Variants in TNFRSF18 observed in about 807,000 individuals in gnomAD.
TNFRSF18 encodes the protein TNF receptor superfamily member 18.
A neutral mutation model predicts 30.2 loss-of-function variants in TNFRSF18; 36 were observed. That is an observed-to-expected ratio of 1.19 (90% CI 0.91 to 1.58). The LOEUF (loss-of-function observed/expected upper bound fraction) is 1.58, where lower values mean the gene tolerates loss of function less well. Ranked by LOEUF, TNFRSF18 falls within the 40% of genes most tolerant of loss-of-function variation. The pLI is 0.00. For synonymous variants in TNFRSF18, 173 were observed against 158.3 expected (o/e 1.09, Z -0.70); for missense variants, 369 against 345.4 (o/e 1.07, Z -0.54).
intron 2 of TNFRSF18, 82 bp downstream of exon 2, chr1:1,205,288 C>T (rs1648759250): frequency 6.5e-7 from 1 of 1,550,144 alleles, no homozygotes; most frequent in Non-Finnish European, 8.7e-7. Flanking sequence ...CCTCGCCGGA[C>T]ACCTGTGCCC....
At chr1:1,205,696 C>T in intron 1 of TNFRSF18, 1 of 591,530 alleles carries the variant, frequency 1.7e-6, no homozygotes, top group African/African-American at 1.9e-5. Context: ...CTGGCTACTC[C>T]CCCTTTGCGC....
At chr1:1,205,330 C>T in intron 2 of TNFRSF18, 40 bp downstream of exon 2, 1 of 1,596,522 alleles carries the variant, frequency 6.3e-7, no homozygotes, top group Non-Finnish European at 8.5e-7. Context: ...AGTGGAACCC[C>T]TGGCCTGTGT....
At chr1:1,205,583 T>C (rs1342857762) in intron 1 of TNFRSF18, 91 bp from the exon 2 acceptor site, 2 of 1,418,998 alleles carry the variant, frequency 1.4e-6, no homozygotes, top group Non-Finnish European at 1.9e-6. Flanking sequence ...AGTGAGGTTG[T>C]CCGTTCTCCA....
intron 1 of TNFRSF18, 108 bp downstream of exon 1, chr1:1,206,277 T>C (rs1015868782): frequency 7.5e-7 from 1 of 1,338,038 alleles, no homozygotes; most frequent in Non-Finnish European, 1.0e-6. Context: ...CCCACCCTCC[T>C]TAGACCTCAG....
At chr1:1,204,308 C>T (rs973212111) in intron 3 of TNFRSF18, 72 bp from the exon 4 acceptor site, 3 of 1,591,438 alleles carry the variant, frequency 1.9e-6, no homozygotes, top group Non-Finnish European at 1.7e-6. Flanking sequence ...CTGCTGCCCT[C>T]CGTGCTGTCT....
At position 1,203,546 on chromosome 1, in the gene TNFRSF18, G is replaced by T; in HGVS notation, c.*298C>A. ...GTTTATTGAAGGTCCCCTGCAGCCG[G>T]GTCCCGTGCTGGGCACTGCACACCC... On this transcript the variant is annotated 3_prime_UTR_variant, in exon 5 of 5. Transcript: ENST00000379268. 6.9e-7 allele frequency: 1 copy of T among 1,454,220 alleles called. No individual in the cohort carries two copies. Among genetic ancestry groups the T allele is most frequent in the African/African-American group, 1.4e-5 (1 of 69,752 alleles). The allele number at this position is 1,454,220 out of a possible 1,614,324, so 90.1% of individuals were successfully genotyped here.
At position 1,206,408 on chromosome 1, in the gene TNFRSF18, G is replaced by C; in HGVS notation, c.164C>G (p.Thr55Arg). The stretch of plus-strand genomic sequence containing the variant: ...ACCCGGGTAATCGCGGCAGCAGCGC[G>C]TCGTGTGAACCCGGCAGCAGCGCGC... ...TDARCCRVHT[T>R]RCCRDYPGEE... Residue 55 changes from threonine to arginine, a missense_variant, in exon 1 of 5, where the codon ACG becomes AGG. Transcript: ENST00000379268. The C allele has an allele frequency of 6.5e-7, 1 of 1,547,384 alleles. No individual in the cohort carries two copies. The highest frequency in any genetic ancestry group is 8.7e-7 in the Non-Finnish European group (1 of 1,146,266).
chr1:1,204,131 G>C lies in TNFRSF18; in HGVS notation c.504C>G (p.Val168=). 5.0e-6 allele frequency: 8 copies of C among 1,611,756 alleles called. No homozygotes were observed. Among genetic ancestry groups the C allele is most frequent in the Non-Finnish European group, 6.8e-6 (8 of 1,179,562 alleles). Residue 168 remains valine (V), a synonymous_variant, in exon 4 of 5, where the codon GTC becomes GTG. Coordinates refer to ENST00000379268, the MANE Select transcript of TNFRSF18 (RefSeq NM_004195.3). Reference sequence around the variant, plus strand: ...CGCAGGCGGCCACGGCCAGGAGGACGACGGTCAGCCACCCAAGCGGCTCTG... The same window carrying C: ...CGCAGGCGGCCACGGCCAGGAGGACCACGGTCAGCCACCCAAGCGGCTCTG... ...PPAEPLGWLT[V]VLLAVAACVL... is the part of the protein sequence containing the mutation.
Position 1,204,477 on chromosome 1 carries a change from C to T in TNFRSF18, c.320G>A (p.Ser107Asn). ...GQGVQSQGKFSFGFQCIDCAS... is the reference protein window; with the variant it reads ...GQGVQSQGKFNFGFQCIDCAS... ...ACAGTCGATACACTGGAAGCCAAAACTGAATTTCCCTGGTGTGGGGTGTGG... is the reference window on the plus strand; with the variant it reads ...ACAGTCGATACACTGGAAGCCAAAATTGAATTTCCCTGGTGTGGGGTGTGG... Residue 107 changes from serine to asparagine, a missense_variant, in exon 3 of 5, where the codon AGT becomes AAT. Physicochemically the swap from Ser to Asn is conservative, Grantham distance 46. Coordinates refer to ENST00000379268, the MANE Select transcript of TNFRSF18 (RefSeq NM_004195.3). 1.5e-6 allele frequency: 2 copies of T among 1,378,668 alleles called. No homozygotes were observed. Among genetic ancestry groups the T allele is most frequent in the African/African-American group, 1.5e-5 (1 of 66,922 alleles). The allele number at this position is 1,378,668 out of a possible 1,614,324, so 85.4% of individuals were successfully genotyped here. A position where few individuals can be genotyped will look rare whatever the true frequency, so the allele number is the denominator to read the frequency against.
At chr1:1,205,242 G>A (rs373013633) in intron 2 of TNFRSF18, 128 bp downstream of exon 2, 8 of 1,413,360 alleles carry the variant, frequency 5.7e-6, no homozygotes, top group Middle Eastern at 2.5e-4. Flanking sequence ...TGGCCTGCCC[G>A]GCCTCACAGG....
chr1:1,206,437 C>T lies in TNFRSF18; in HGVS notation c.135G>A (p.Thr45=), dbSNP rs993445988. ...TGTGAACCCGGCAGCAGCGCGCGTCCGTTCCCGTCCCAAGCAGGAGGCGCC... is the reference window on the plus strand; with the variant it reads ...TGTGAACCCGGCAGCAGCGCGCGTCTGTTCCCGTCCCAAGCAGGAGGCGCC... ...GPGRLLLGTG[T]DARCCRVHTT... The change falls in exon 1 of 5, where the codon ACG becomes ACA. Residue 45 remains threonine (T), a synonymous_variant. Coordinates refer to ENST00000379268, the MANE Select transcript of TNFRSF18 (RefSeq NM_004195.3). 2.1e-5 allele frequency: 33 copies of T among 1,547,296 alleles called. No individual in the cohort carries two copies. The highest frequency in any genetic ancestry group is 2.8e-5 in the African/African-American group (2 of 72,652).
In TNFRSF18 at chr1:1,206,490, G is replaced by A. The variant is rs771727286; in HGVS notation, c.82C>T (p.Pro28Ser). 12 of 1,546,054 alleles carry A rather than the reference G, an allele frequency of 7.8e-6. No individual in the cohort carries two copies. The Admixed American group carries it at 2.2e-4, about 28-fold the overall frequency. ...LLCALSLGQR[P>S]TGGPGCGPGR... Reference sequence around the variant, plus strand: ...GGGCCGCACCCGGGACCCCCGGTGGGGCGCTGACCCAGGCTGAGCGCGCAC... The same window carrying A: ...GGGCCGCACCCGGGACCCCCGGTGGAGCGCTGACCCAGGCTGAGCGCGCAC... The change falls in exon 1 of 5, where the codon CCC becomes TCC. Residue 28 changes from proline (P) to serine (S), a missense_variant. Physicochemically the swap from Pro to Ser is moderately conservative, Grantham distance 74. Coordinates refer to ENST00000379268, the MANE Select transcript of TNFRSF18 (RefSeq NM_004195.3).
rs1648783744 is a variant in TNFRSF18 at position 1,205,570 on chromosome 1, G to C, written c.188-78C>G. Reference sequence around the variant, plus strand: ...CCCAGGCCTCCCCTCGGCCCTCCAGGGGAGTGAGGTTGTCCGTTCTCCACC... The same window carrying C: ...CCCAGGCCTCCCCTCGGCCCTCCAGCGGAGTGAGGTTGTCCGTTCTCCACC... On this transcript the variant is annotated intron_variant, in intron 1 of 4. Transcript: ENST00000379268. 4 of 1,509,568 alleles carry C rather than the reference G, an allele frequency of 2.6e-6. No individual in the cohort carries two copies. The African/African-American group carries it at 5.5e-5, about 21-fold the overall frequency. The allele number at this position is 1,509,568 out of a possible 1,614,324, so 93.5% of individuals were successfully genotyped here. A position where few individuals can be genotyped will look rare whatever the true frequency, so the allele number is the denominator to read the frequency against.
chr1:1,206,250 C>T (rs904887158), intron 1 of TNFRSF18, 135 bp downstream of exon 1: 40 of 1,035,636 alleles, frequency 3.9e-5, no homozygotes, highest in Admixed American at 5.8e-5. Context: ...AAGGCTCCCG[C>T]TGCTGGCGGC....
chr1:1,206,514 A>C lies in TNFRSF18; in HGVS notation c.58T>G (p.Cys20Gly). 2 of 1,542,076 alleles carry C rather than the reference A, an allele frequency of 1.3e-6. No individual in the cohort carries two copies. Among genetic ancestry groups the C allele is most frequent in the African/African-American group, 1.4e-5 (1 of 72,118 alleles). ...GGGCGCTGACCCAGGCTGAGCGCGC[A>C]CAGCAGCGCCAGGCCGCACAGGGCC... ...FRALCGLALL[C>G]ALSLGQRPTG... Residue 20 changes from cysteine (C) to glycine (G), a missense_variant, in exon 1 of 5, where the codon TGC becomes GGC. Cys to Gly is a radical substitution (Grantham distance 159). Transcript: ENST00000379268.
intron 2 of TNFRSF18, among the ~76,000 whole-genome samples, chr1:1,204,870 C>G (rs1648737308): frequency 1.3e-5 from 2 of 152,288 alleles, no homozygotes; most frequent in South Asian, 4.1e-4. Flanking sequence ...ACCCCAGACC[C>G]TGCCCCGTCC....
At chr1:1,204,283 C>T (rs1429420743) in intron 3 of TNFRSF18, 47 bp from the exon 4 acceptor site, 36 of 1,593,540 alleles carry the variant, frequency 2.3e-5, no homozygotes, top group Non-Finnish European at 3.1e-5. Context: ...GACACGGCCT[C>T]CGATCAGCCC....
chr1:1,204,326 G>A (rs1199984707), intron 3 of TNFRSF18, 73 bp downstream of exon 3: 2 of 1,594,526 alleles, frequency 1.3e-6, no homozygotes, highest in East Asian at 4.5e-5. Flanking sequence ...TCTGGGGCAA[G>A]GGACAGGAGA....
Position 1,206,425 on chromosome 1 carries a change from G to C in TNFRSF18, c.147C>G (p.Cys49Trp), listed in dbSNP as rs1256870729. ...LLLGTGTDAR[C>W]CRVHTTRCCR... ...AGCAGCGCGTCGTGTGAACCCGGCA[G>C]CAGCGCGCGTCCGTTCCCGTCCCAA... is the stretch of plus-strand genomic sequence containing the variant. The change falls in exon 1 of 5, where the codon TGC (cysteine) becomes TGG (tryptophan). Residue 49 changes from cysteine to tryptophan, a missense_variant. Transcript: ENST00000379268. 1.0e-5 allele frequency: 16 copies of C among 1,547,490 alleles called. No individual in the cohort carries two copies. In the East Asian group the frequency reaches 3.9e-4, roughly 38 times the overall value.
Sources: gnomAD v4.1 joint callset for allele counts (sites outside exome capture counted in the v4.1 genomes callset) on GRCh38, gnomAD v4.1.1 for gene constraint, MANE v1.5 for transcripts, NCBI Gene and HGNC (gene_info 2026-07-23, HGNC 2026-07-21) for gene names.